NCOR2: variants seen among roughly 807,000 people sequenced by gnomAD.
The protein encoded by NCOR2 is CTG repeat protein 26.
In NCOR2, 81 loss-of-function variants were observed where a neutral mutation model predicts 262.9. That is an observed-to-expected ratio of 0.31 (90% confidence interval 0.26 to 0.37). The LOEUF is 0.37. Among genes scored for constraint, NCOR2 ranks in the 10% least tolerant of loss-of-function variants. NCOR2 has a pLI of 1.00. For missense variants in NCOR2, 3,385 were observed against 3,621.4 expected (o/e 0.93, Z 1.68); for synonymous variants, 1,659 against 1,559.3 (o/e 1.06, Z -1.51).
At chr12:124,521,115 G>A (rs1378718331) in intron 1 of NCOR2, among the ~76,000 whole-genome samples, 1 of 152,176 alleles carries the variant, frequency 6.6e-6, no homozygotes, top group Non-Finnish European at 1.5e-5. Flanking sequence ...CAGGGGGGAG[G>A]TGGGGGCCAG....
chr12:124,403,177 C>G (rs576437273), intron 13 of NCOR2, among the ~76,000 whole-genome samples: 4 of 152,124 alleles, frequency 2.6e-5, no homozygotes, highest in Non-Finnish European at 5.9e-5. Flanking sequence ...GTCTGTAAAA[C>G]GGGGAGGTGG....
intron 31 of NCOR2, 31 bp from the exon 34 acceptor site, chr12:124,344,982 T>C (rs994905830): frequency 4.7e-6 from 7 of 1,491,990 alleles, no homozygotes; most frequent in African/African-American, 4.2e-5. Flanking sequence ...GCTCTAGCCC[T>C]GGCCACAGCC....
chr12:124,534,855 G>T (rs12322613), intron 1 of NCOR2, among the ~76,000 whole-genome samples: 1 of 152,194 alleles, frequency 6.6e-6, no homozygotes, highest in African/African-American at 2.4e-5. Flanking sequence ...TGCTGTGAGG[G>T]TCACAAAATG....
chr12:124,509,877 CCCACAGTAACCTGAGCCT>C (rs1420857993), intron 1 of NCOR2, among the ~76,000 whole-genome samples: 1 of 152,088 alleles, frequency 6.6e-6, no homozygotes, highest in African/African-American at 2.4e-5. Context: ...ACGGCCGCCC[CCCACAGTAACCTGAGCCT>C]CCGGACCTCG....
At position 124,509,413 on chromosome 12, in the gene NCOR2, C is replaced by CT. The variant is rs1260673852; in HGVS notation, c.-117-14046dup. Among the ~76,000 whole-genome samples the CT allele has an allele frequency of 3.3e-5, 5 of 152,344 alleles. No homozygotes were observed. The East Asian group carries it at 7.7e-4, about 23-fold the overall frequency. ...GGGGAGCACCTGGACCCAACTGTGC[C>CT]TGAAGCTTCTCTGAGGTTTTTTAGT... On this transcript the variant is annotated intron_variant, in intron 1 of 46. Coordinates refer to the NCOR2 transcript ENST00000404621.
At chr12:124,390,181 A>C (rs1362689216) in intron 16 of NCOR2, among the ~76,000 whole-genome samples, 2 of 152,084 alleles carry the variant, frequency 1.3e-5, no homozygotes, top group Non-Finnish European at 2.9e-5. Context: ...GTCTCAGTGC[A>C]CTTTTAAGGA....
intron 8 of NCOR2, 110 bp from the exon 11 acceptor site, chr12:124,430,897 C>T (rs576159386): frequency 9.3e-5 from 121 of 1,299,158 alleles, no homozygotes; most frequent in Non-Finnish European, 1.2e-4. Flanking sequence ...CGCACACACA[C>T]AAAGTCACAC....
Position 124,410,428 on chromosome 12 carries a change from C to G in NCOR2, c.1483-7867G>C, listed in dbSNP as rs551624496. On this transcript the variant is annotated intron_variant, in intron 13 of 46. Transcript: ENST00000405201. ...GGGGAGCCCCCAACTGTCTCCCCAC[C>G]TAGCACAAAGCTGGGCAGGAAACCA... is the stretch of plus-strand genomic sequence containing the variant. 2.0e-5 allele frequency among the ~76,000 whole-genome samples: 3 copies of G among 151,966 alleles called. No individual in the cohort carries two copies. In the East Asian group the frequency reaches 5.9e-4, roughly 30 times the overall value.
intron 19 of NCOR2, among the ~76,000 whole-genome samples, chr12:124,374,065 C>T (rs1295164211): frequency 2.0e-5 from 3 of 152,196 alleles, no homozygotes; most frequent in East Asian, 1.9e-4. Context: ...AACCCACACC[C>T]GGCTCTTCTT....
chr12:124,504,862 G>A lies in NCOR2; in HGVS notation c.-117-9494C>T, dbSNP rs1260839777. Among the ~76,000 whole-genome samples the A allele has an allele frequency of 6.6e-6, 1 of 152,206 alleles. No homozygotes were observed. Among genetic ancestry groups the A allele is most frequent in the Non-Finnish European group, 1.5e-5 (1 of 68,042 alleles). ...CAGAACAAAGGCCCGAGGCTGCCAG[G>A]GGTTGTGGGGAGGGAGGAGAGGGGA... is the stretch of plus-strand genomic sequence containing the variant. On this transcript the variant is annotated intron_variant, in intron 1 of 46. Coordinates refer to the NCOR2 transcript ENST00000404621. The surrounding 1 kb of genome is among the most constrained non-coding windows in gnomAD (Gnocchi z 4.5).
chr12:124,385,996 G>C, intron 16 of NCOR2, 109 bp from the exon 19 acceptor site: 1 of 1,369,182 alleles, frequency 7.3e-7, no homozygotes, highest in Non-Finnish European at 9.8e-7. Context: ...CCCAGCCTGG[G>C]GCTCCCTGCT....
At chr12:124,453,505 G>A (rs143608345) in intron 6 of NCOR2, among the ~76,000 whole-genome samples, 14 of 152,194 alleles carry the variant, frequency 9.2e-5, no homozygotes, top group African/African-American at 2.4e-4. Context: ...GGTGCCAGAC[G>A]CAGGGCGCAG....
chr12:124,499,224 C>T (rs111525524), upstream of NCOR2, among the ~76,000 whole-genome samples: 430 of 152,346 alleles, frequency 2.8e-3, 3 homozygotes, highest in African/African-American at 9.8e-3. Context: ...TGGTCCTGGC[C>T]AAAGGAGGTT....
chr12:124,531,809 G>T lies in NCOR2; in HGVS notation c.-118+3756C>A, dbSNP rs1465074944. Among the ~76,000 whole-genome samples the T allele has an allele frequency of 6.6e-6, 1 of 151,524 alleles. No individual in the cohort carries two copies. Among genetic ancestry groups the T allele is most frequent in the Non-Finnish European group, 1.5e-5 (1 of 67,876 alleles). On this transcript the variant is annotated intron_variant, in intron 1 of 46. Transcript: ENST00000404621. The surrounding 1 kb of genome is among the most constrained non-coding windows in gnomAD (Gnocchi z 4.5). Reference sequence around the variant, plus strand: ...CGGTGTCCCCGATCACCCGCCCAGGGTACCCCGAGACCCCAGCCCCCACCC... The same window carrying T: ...CGGTGTCCCCGATCACCCGCCCAGGTTACCCCGAGACCCCAGCCCCCACCC...
chr12:124,519,089 T>TACACACACATACACACACAC (rs1555236048), intron 1 of NCOR2, among the ~76,000 whole-genome samples: 1 of 97,268 alleles, frequency 1.0e-5, no homozygotes, highest in Non-Finnish European at 2.2e-5. Context: ...GGCCAAATAA[T>TACACACACATACACACACAC]ACACACACAC....
At chr12:124,510,049 C>T (rs2049303827) in intron 1 of NCOR2, among the ~76,000 whole-genome samples, 4 of 152,206 alleles carry the variant, frequency 2.6e-5, no homozygotes, top group Admixed American at 1.3e-4. Flanking sequence ...TTGTCTGCAG[C>T]CAGGAGCCAC....
intron 1 of NCOR2, among the ~76,000 whole-genome samples, chr12:124,508,794 C>T (rs915520914): frequency 1.9e-4 from 29 of 152,196 alleles, no homozygotes; most frequent in African/African-American, 7.0e-4. Context: ...CCAAATACAG[C>T]CCAGGGGCTG....
intron 3 of NCOR2, among the ~76,000 whole-genome samples, chr12:124,477,343 C>T (rs889992553): frequency 2.6e-5 from 4 of 152,232 alleles, no homozygotes; most frequent in Non-Finnish European, 4.4e-5. Context: ...GACGTGTTTG[C>T]TTCCCCTTCC....
chr12:124,438,080 G>T, intron 7 of NCOR2, 84 bp from the exon 10 acceptor site: 1 of 1,369,438 alleles, frequency 7.3e-7, no homozygotes, highest in Non-Finnish European at 1.0e-6. Flanking sequence ...CTGAGAGTGA[G>T]CCCCAAATTT....
Sources: gnomAD v4.1 joint callset for allele counts (sites outside exome capture counted in the v4.1 genomes callset) on GRCh38, gnomAD v4.1.1 for gene constraint, Gnocchi (gnomAD v3.1) non-coding constraint, MANE v1.5 for transcripts, NCBI Gene and HGNC (gene_info 2026-07-23, HGNC 2026-07-21) for gene names.